Variants in NDUFS7 observed in about 807,000 individuals in gnomAD.
NDUFS7 encodes NADH dehydrogenase [ubiquinone] iron-sulfur protein 7, mitochondrial.
A neutral mutation model predicts 31.1 loss-of-function variants in NDUFS7; 11 were observed. The observed-to-expected ratio is 0.35, with a 90% CI of 0.22 to 0.59. NDUFS7 has a LOEUF of 0.59. NDUFS7 is among the 20% of genes least tolerant of loss of function. The pLI is 0.79. For missense variants in NDUFS7, 263 were observed against 324.2 expected (o/e 0.81, Z 1.45); for synonymous variants, 136 against 127.9 (o/e 1.06, Z -0.43).
chr19:1,391,189 C>G lies in NDUFS7; in HGVS notation c.455+24C>G, dbSNP rs777317855. On this transcript the variant is annotated intron_variant, in intron 6 of 7. Transcript: ENST00000233627. ...AGGTGAGTGCAGGGCGGGGGGTCTC[C>G]AGGGACAGACGTAGCGTGAGTGCTG... 19 of 1,608,994 alleles carry G rather than the reference C, an allele frequency of 1.2e-5. 1 individual carries two copies. In the African/African-American group the frequency reaches 2.1e-4, roughly 18 times the overall value.
intron 1 of NDUFS7, chr19:1,387,153 C>A: frequency 6.4e-6 from 1 of 156,000 alleles, no homozygotes; most frequent in Non-Finnish European, 1.4e-5. Flanking sequence ...GCTTAGCGGA[C>A]TGCAGATTCC....
chr19:1,394,775 G>A, intron 7 of NDUFS7: 1 of 1,183,892 alleles, frequency 8.4e-7, no homozygotes, highest in South Asian at 1.6e-5. Flanking sequence ...CCCTTTCCCA[G>A]GCCCTGCAGT....
intron 4 of NDUFS7, 118 bp downstream of exon 4, chr19:1,389,056 C>A (rs1463610244): frequency 2.4e-6 from 2 of 845,038 alleles, no homozygotes; most frequent in Non-Finnish European, 3.9e-6. Context: ...TGCATGCACA[C>A]TCACATGCGC....
Position 1,388,826 on chromosome 19 carries a change from G to C in NDUFS7, c.123-7G>C, listed in dbSNP as rs1408098126. The C allele has an allele frequency of 1.3e-6, 2 of 1,587,262 alleles. No homozygotes were observed. The highest frequency in any genetic ancestry group is 2.3e-5 in the South Asian group (2 of 87,492). On this transcript the variant is annotated splice_polypyrimidine_tract_variant and splice_region_variant and intron_variant, in intron 3 of 7. Transcript: ENST00000233627. Reference sequence around the variant, plus strand: ...ACGCCTCCTGTGCCCGTGTGTCTCTGTGCCAGCACCCAGCCTGCCCTGCCA... The same window carrying C: ...ACGCCTCCTGTGCCCGTGTGTCTCTCTGCCAGCACCCAGCCTGCCCTGCCA...
rs754556283 is a variant in NDUFS7, at chr19:1,393,029, G to A, written c.456-213G>A. The A allele has an allele frequency of 8.3e-5, 50 of 601,976 alleles. No individual in the cohort carries two copies. The highest frequency in any genetic ancestry group is 1.3e-4 in the Non-Finnish European group (42 of 335,658). The allele number at this position is 601,976 out of a possible 1,614,324, so 37.3% of individuals were successfully genotyped here. On this transcript the variant is annotated intron_variant, in intron 6 of 7. Coordinates refer to ENST00000233627, the MANE Select transcript of NDUFS7 (RefSeq NM_024407.5). This position sits in a 1 kb window ranked among gnomAD's most constrained non-coding sequence, Gnocchi z 7.3. ...CCTCGGGAGGGGAGCACTTTTCCCCGAGTTATCAGCCACGTGTGAGCTTGC... is the reference window on the plus strand; with the variant it reads ...CCTCGGGAGGGGAGCACTTTTCCCCAAGTTATCAGCCACGTGTGAGCTTGC...
chr19:1,385,869 C>G (rs1477257998), intron 1 of NDUFS7, among the ~76,000 whole-genome samples: 1 of 152,142 alleles, frequency 6.6e-6, no homozygotes, highest in Non-Finnish European at 1.5e-5. Context: ...CACAGAATCC[C>G]ATCACCTCAG....
rs121434479 is a variant in NDUFS7 at position 1,391,144 on chromosome 19, G to A, written c.434G>A (p.Arg145His). The A allele has an allele frequency of 1.9e-6, 3 of 1,612,530 alleles. No homozygotes were observed. The highest frequency in any genetic ancestry group is 1.3e-5 in the African/African-American group (1 of 74,916). ...GTCTACGACCAGATGCCGGAGCCGC[G>A]CTACGTGGTCTCCATGGGGAGGTGA... Reference protein sequence around the residue: ...RKVYDQMPEPRYVVSMGSCAN... With the variant: ...RKVYDQMPEPHYVVSMGSCAN... Residue 145 changes from arginine (R) to histidine (H), a missense_variant, in exon 6 of 8, where the codon CGC becomes CAC. Physicochemically the swap from Arg to His is conservative, Grantham distance 29. Coordinates refer to ENST00000233627, the MANE Select transcript of NDUFS7 (RefSeq NM_024407.5).
intron 4 of NDUFS7, 101 bp downstream of exon 4, chr19:1,389,039 C>G (rs2144614337): frequency 1.0e-6 from 1 of 962,768 alleles, no homozygotes; most frequent in South Asian, 1.4e-5. Context: ...CGTACACACA[C>G]AACACATGCA....
At chr19:1,388,695 G>A in intron 3 of NDUFS7, 102 bp downstream of exon 3, 2 of 1,440,904 alleles carry the variant, frequency 1.4e-6, no homozygotes, top group Non-Finnish European at 1.9e-6. Flanking sequence ...CATGGATGGG[G>A]CAGGGAGGGG....
At position 1,393,064 on chromosome 19, in the gene NDUFS7, G is replaced by C. The variant is rs1471171273; in HGVS notation, c.456-178G>C. On this transcript the variant is annotated intron_variant, in intron 6 of 7. Coordinates refer to ENST00000233627, the MANE Select transcript of NDUFS7 (RefSeq NM_024407.5). The surrounding 1 kb of genome is among the most constrained non-coding windows in gnomAD (Gnocchi z 7.3). ...CCACGTGTGAGCTTGCGCCCCACTG[G>C]TCCCACAGAGGCTCTGGGAGCCTGT... is the stretch of plus-strand genomic sequence containing the variant. The C allele has an allele frequency of 3.2e-6, 2 of 628,736 alleles. No homozygotes were observed. The highest frequency in any genetic ancestry group is 5.5e-5 in the East Asian group (2 of 36,524). 38.9% of individuals were successfully genotyped at this position (628,736 alleles called of 1,614,324 possible).
At chr19:1,395,182 G>T (rs750213280) in intron 7 of NDUFS7, 2 of 1,420,248 alleles carry the variant, frequency 1.4e-6, no homozygotes, top group Non-Finnish European at 1.8e-6. Context: ...AGGGCAGTGG[G>T]GCCTTGCCCA....
chr19:1,391,352 G>A (rs1160926235), intron 6 of NDUFS7, among the ~76,000 whole-genome samples, 187 bp downstream of exon 6: 2 of 152,100 alleles, frequency 1.3e-5, no homozygotes, highest in African/African-American at 2.4e-5. Context: ...TCCCCAGAAC[G>A]ATTCCTCCCA....
At chr19:1,385,216 C>CT (rs1188942314) in intron 1 of NDUFS7, among the ~76,000 whole-genome samples, 2 of 152,326 alleles carry the variant, frequency 1.3e-5, no homozygotes, top group East Asian at 3.9e-4. Context: ...CACCAGGCCC[C>CT]TTGTTAAGAA....
At chr19:1,394,671 T>TCCCTGGGGACCGCGCCCCTCCCTCCCA (rs2082583429) in intron 7 of NDUFS7, 1 of 1,213,266 alleles carries the variant, frequency 8.2e-7, no homozygotes, top group African/African-American at 1.9e-5. Context: ...CCTCCCTCCC[T>TCCCTGGGGACCGCGCCCCTCCCTCCCA]GCGGACTGTG....
intron 1 of NDUFS7, among the ~76,000 whole-genome samples, chr19:1,386,174 G>C (rs1259147760): frequency 6.6e-6 from 1 of 152,218 alleles, no homozygotes; most frequent in South Asian, 2.1e-4. Flanking sequence ...TGCATTCAGG[G>C]GCATCAAACC....
chr19:1,384,483 C>A (rs1305571325), intron 1 of NDUFS7, among the ~76,000 whole-genome samples: 1 of 152,228 alleles, frequency 6.6e-6, no homozygotes, highest in Non-Finnish European at 1.5e-5. Context: ...CTGAAGCCTG[C>A]GGACCTCTGC....
chr19:1,387,168 G>T (rs1269797346), intron 1 of NDUFS7: 1 of 157,598 alleles, frequency 6.3e-6, no homozygotes, highest in Non-Finnish European at 1.4e-5. Context: ...GATTCCTGCA[G>T]GATGGGGCCT....
chr19:1,394,835 C>T lies in NDUFS7; in HGVS notation c.545-556C>T, dbSNP rs898714127. 7.8e-6 allele frequency: 9 copies of T among 1,159,944 alleles called. No individual in the cohort carries two copies. The African/African-American group carries it at 1.5e-4, about 19-fold the overall frequency. 71.9% of individuals were successfully genotyped at this position (1,159,944 alleles called of 1,614,324 possible). On this transcript the variant is annotated intron_variant, in intron 7 of 7. Coordinates refer to ENST00000233627, the MANE Select transcript of NDUFS7 (RefSeq NM_024407.5). ...CCACTCCTGCTGTCCCCGTTGGGCC[C>T]TGGGCTTCGTCCTCTTGCTCAAGCC...
intron 1 of NDUFS7, chr19:1,386,499 CTTTAT>C (rs72159980): frequency 0.12 from 18,339 of 151,972 alleles, 2,154 homozygotes; most frequent in African/African-American, 0.28. Flanking sequence ...TATAATGACC[CTTTAT>C]TTTATTTTTT....
Sources: gnomAD v4.1 joint callset for allele counts (sites outside exome capture counted in the v4.1 genomes callset) on GRCh38, gnomAD v4.1.1 for gene constraint, Gnocchi (gnomAD v3.1) non-coding constraint, MANE v1.5 for transcripts, NCBI Gene and HGNC (gene_info 2026-07-23, HGNC 2026-07-21) for gene names.